The following TRAK1 variants were observed in gnomAD, a reference collection of about 807,000 sequenced individuals.
TRAK1 encodes the protein trafficking kinesin protein 1.
TRAK1 carries 33 observed loss-of-function variants against 92.1 expected under a neutral mutation model. The observed-to-expected ratio is 0.36, with a 90% CI of 0.27 to 0.48. TRAK1 has a LOEUF of 0.48. TRAK1 is among the 20% of genes least tolerant of loss of function. The probability of loss-of-function intolerance (pLI) is 0.99; values close to 1 mark genes in which losing one functional copy is unlikely to be tolerated. For missense variants in TRAK1, 1,123 were observed against 1,257.9 expected (o/e 0.89, Z 1.62); for synonymous variants, 521 against 517.3 (o/e 1.01, Z -0.10).
At chr3:42,133,695 A>G (rs1178422193) in intron 2 of TRAK1, among the ~76,000 whole-genome samples, 1 of 152,212 alleles carries the variant, frequency 6.6e-6, no homozygotes, top group Non-Finnish European at 1.5e-5. Context: ...ACTCACATCT[A>G]CTGAGTGCTT....
At chr3:42,101,486 T>A (rs1706744796) in intron 1 of TRAK1, among the ~76,000 whole-genome samples, 1 of 152,198 alleles carries the variant, frequency 6.6e-6, no homozygotes, top group Admixed American at 6.5e-5. Flanking sequence ...CACCTCTGAA[T>A]TATTGGCTTC....
At chr3:42,219,705 A>C (rs1577070132) in intron 15 of TRAK1, 109 bp downstream of exon 15, 1 of 1,247,042 alleles carries the variant, frequency 8.0e-7, no homozygotes, top group Non-Finnish European at 1.1e-6. Context: ...TCATAGAAAA[A>C]CCAACTGAAG....
rs773897073 is a variant in TRAK1, at chr3:42,191,578, G to A, written c.711G>A (p.Glu237=). 4 of 1,600,872 alleles carry A rather than the reference G, an allele frequency of 2.5e-6. No individual in the cohort carries two copies. The highest frequency in any genetic ancestry group is 3.4e-6 in the Non-Finnish European group (4 of 1,173,638). ...TACAGGCCAGCCAGCTGAAGACAGA[G>A]ACCATCACCTATGAGGAGAAGGAGC... ...LRSEASQLKT[E]TITYEEKEQQ... is the part of the protein sequence containing the mutation. The change falls in exon 7 of 16, where the codon GAG becomes GAA. Residue 237 remains glutamate, a synonymous_variant. Transcript: ENST00000327628.
chr3:42,166,125 AT>A (rs1414782521), intron 2 of TRAK1, among the ~76,000 whole-genome samples: 1 of 152,080 alleles, frequency 6.6e-6, no homozygotes, highest in Non-Finnish European at 1.5e-5. Context: ...TAGGTCAGGA[AT>A]TCCTCGAGGG....
intron 2 of TRAK1, among the ~76,000 whole-genome samples, chr3:42,142,888 G>A (rs1027061814): frequency 4.1e-4 from 63 of 152,142 alleles, no homozygotes; most frequent in African/African-American, 1.5e-3. Context: ...GTACGTGCAT[G>A]GTAGTCCTTT....
At chr3:42,016,445 TCTG>T (rs921454987) in intron 1 of TRAK1, among the ~76,000 whole-genome samples, 3 of 152,226 alleles carry the variant, frequency 2.0e-5, no homozygotes, top group African/African-American at 7.2e-5. Flanking sequence ...CCTCGAGTGA[TCTG>T]CTGGCCATGA....
intron 1 of TRAK1, among the ~76,000 whole-genome samples, chr3:42,074,719 T>TAC (rs1321848539): frequency 2.6e-5 from 4 of 151,510 alleles, no homozygotes; most frequent in Non-Finnish European, 5.9e-5. Context: ...GTTCAGGTAG[T>TAC]ACATGTATAG....
rs780080581 is a variant in TRAK1, at chr3:42,023,744, GTTTTTTT to G, written c.-519+9648_-519+9654del. The stretch of plus-strand genomic sequence containing the variant: ...TGCTGAGTTTGACGTGCTCGTGAGG[GTTTTTTT>G]TTTTTTTTTTTTTTTTTTTTGAGAC... On this transcript the variant is annotated intron_variant, in intron 1 of 16. Coordinates refer to the TRAK1 transcript ENST00000487159. 6.1e-5 allele frequency among the ~76,000 whole-genome samples: 6 copies of G among 99,052 alleles called. No homozygotes were observed. The East Asian group carries it at 8.5e-4, about 14-fold the overall frequency. 65.0% of individuals were successfully genotyped at this position (99,052 alleles called of 152,430 possible).
rs896408910 is a variant in TRAK1, at chr3:42,192,958, A to C, written c.770-117A>C. 3.4e-6 allele frequency: 5 copies of C among 1,453,248 alleles called. No individual in the cohort carries two copies. The African/African-American group carries it at 5.7e-5, about 17-fold the overall frequency. 90.0% of individuals were successfully genotyped at this position (1,453,248 alleles called of 1,614,324 possible). A position where few individuals can be genotyped will look rare whatever the true frequency, so the allele number is the denominator to read the frequency against. On this transcript the variant is annotated intron_variant, in intron 7 of 15. Transcript: ENST00000327628. The stretch of plus-strand genomic sequence containing the variant: ...TTCCTTCCTGCACCCTCCCCACTCT[A>C]CCCTGTCTTTTAGTAAGGATGGTTT...
chr3:42,223,157 G>A lies in TRAK1; in HGVS notation c.2282G>A (p.Arg761Lys). Residue 761 changes from arginine (R) to lysine (K), a missense_variant, in exon 16 of 16, where the codon AGG becomes AAG. Transcript: ENST00000327628. This position sits in a 1 kb window ranked among gnomAD's most constrained non-coding sequence, Gnocchi z 6.1. ...AAVYDPQSWD[R>K]AGRGSLLHSY... ...GTGTACGACCCCCAGAGCTGGGACA[G>A]GGCCGGCCGGGGCTCCCTCCTGCAC... is the stretch of plus-strand genomic sequence containing the variant. 6.2e-7 allele frequency: 1 copy of A among 1,614,038 alleles called. No homozygotes were observed. Among genetic ancestry groups the A allele is most frequent in the Non-Finnish European group, 8.5e-7 (1 of 1,180,020 alleles).
chr3:42,102,812 A>C (rs749184643), intron 1 of TRAK1, among the ~76,000 whole-genome samples: 24 of 151,990 alleles, frequency 1.6e-4, no homozygotes, highest in Non-Finnish European at 3.5e-4. Flanking sequence ...CCTCCTGTGC[A>C]CAATGACCTT....
chr3:42,199,381 A>G, intron 11 of TRAK1, 128 bp downstream of exon 11: 1 of 817,110 alleles, frequency 1.2e-6, no homozygotes, highest in African/African-American at 1.7e-5. Context: ...CCCAGTCCAG[A>G]TTAAGGGAAA....
chr3:42,171,678 C>T (rs1157653819), intron 2 of TRAK1, among the ~76,000 whole-genome samples: 1 of 152,142 alleles, frequency 6.6e-6, no homozygotes, highest in Non-Finnish European at 1.5e-5. Context: ...CCCAATGCCA[C>T]ACCACCTTTG....
chr3:42,070,623 C>A (rs1212315346), intron 1 of TRAK1, among the ~76,000 whole-genome samples: 1 of 151,898 alleles, frequency 6.6e-6, no homozygotes, highest in African/African-American at 2.4e-5. Flanking sequence ...GAGATGAGGC[C>A]TCACTATGTT....
Position 42,102,676 on chromosome 3 carries a change from C to T in TRAK1, c.91+11116C>T, listed in dbSNP as rs147343676. Among the ~76,000 whole-genome samples, 658 of 152,258 alleles carry T rather than the reference C, an allele frequency of 4.3e-3. 3 individuals are homozygous for T. The highest frequency in any genetic ancestry group is 0.015 in the African/African-American group (631 of 41,540). On this transcript the variant is annotated intron_variant, in intron 1 of 15. Transcript: ENST00000327628. The stretch of plus-strand genomic sequence containing the variant: ...ATTTGTATAAGGTGTGAGTTTCTGG[C>T]GGCTCTACCCTGACCTTCCAGTGTG...
chr3:42,026,081 G>C (rs1701903558), intron 1 of TRAK1, among the ~76,000 whole-genome samples: 1 of 150,226 alleles, frequency 6.7e-6, no homozygotes, highest in South Asian at 2.1e-4. Context: ...CTATTTTTCT[G>C]TATTCTCATT....
intron 1 of TRAK1, among the ~76,000 whole-genome samples, chr3:42,106,855 A>G (rs143450643): frequency 1.2e-3 from 180 of 152,324 alleles, no homozygotes; most frequent in African/African-American, 4.1e-3. Flanking sequence ...AAAAGTAACC[A>G]TTGTTCATTT....
At chr3:42,053,320 C>T (rs1273191621) in intron 1 of TRAK1, among the ~76,000 whole-genome samples, 1 of 144,616 alleles carries the variant, frequency 6.9e-6, no homozygotes, top group East Asian at 2.1e-4. Context: ...CCCTCCCTGC[C>T]TCCAGAAAAA....
At chr3:42,079,081 G>A (rs888567021) in intron 1 of TRAK1, among the ~76,000 whole-genome samples, 1 of 152,222 alleles carries the variant, frequency 6.6e-6, no homozygotes, top group Non-Finnish European at 1.5e-5. Flanking sequence ...TCACACCTGT[G>A]ACACCTTGAT....
Sources: gnomAD v4.1 joint callset for allele counts (sites outside exome capture counted in the v4.1 genomes callset) on GRCh38, gnomAD v4.1.1 for gene constraint, Gnocchi (gnomAD v3.1) non-coding constraint, MANE v1.5 for transcripts, NCBI Gene and HGNC (gene_info 2026-07-23, HGNC 2026-07-21) for gene names.